The following DENND2C variants were observed in gnomAD, a reference collection of about 807,000 sequenced individuals.
DENND2C encodes DENN domain-containing protein 2C.
A neutral mutation model predicts 112.4 loss-of-function variants in DENND2C; 72 were observed. The observed-to-expected ratio is 0.64, with a 90% confidence interval of 0.53 to 0.78. DENND2C has a LOEUF of 0.78. DENND2C is among the 30% of genes least tolerant of loss of function. DENND2C has a pLI of 0.00. For synonymous variants in DENND2C, 329 were observed against 381.6 expected, an observed-to-expected ratio of 0.86 and a Z score of 1.61; for missense variants, 992 against 1,113.8, an observed-to-expected ratio of 0.89 and a Z score of 1.56.
At chr1:114,638,321 CT>C (rs1255967044) in intron 3 of DENND2C, among the ~76,000 whole-genome samples, 1 of 152,126 alleles carries the variant, frequency 6.6e-6, no homozygotes, top group African/African-American at 2.4e-5. Context: ...AAACCACAAA[CT>C]TTCTGGAAGA....
intron 11 of DENND2C, among the ~76,000 whole-genome samples, chr1:114,603,630 T>G (rs558310612): frequency 5.3e-5 from 8 of 151,962 alleles, no homozygotes; most frequent in African/African-American, 1.9e-4. Flanking sequence ...CACTGCAACC[T>G]TGAACTCCTG....
At position 114,625,928 on chromosome 1, in the gene DENND2C, T is replaced by C. The variant is rs1485396779; in HGVS notation, c.57A>G (p.Lys19=). ...TVQTLSRSHC[K]NIKQKISQWE... ...ATTGAGAAATTTTTTGTTTGATGTT[T>C]TTGCAGTGGCTTCTTGACAGTGTCT... Residue 19 remains lysine, a synonymous_variant, in exon 4 of 21, where the codon AAA becomes AAG. Coordinates refer to ENST00000393274, the MANE Select transcript of DENND2C (RefSeq NM_001256404.2). 6.2e-7 allele frequency: 1 copy of C among 1,613,972 alleles called. No homozygotes were observed. The highest frequency in any genetic ancestry group is 1.7e-5 in the Admixed American group (1 of 60,004).
intron 10 of DENND2C, among the ~76,000 whole-genome samples, chr1:114,605,787 G>A (rs1013199870): frequency 8.5e-5 from 13 of 152,082 alleles, no homozygotes; most frequent in Non-Finnish European, 1.5e-5. Flanking sequence ...AGAGAAACCT[G>A]TCTCAAAAAA....
intron 3 of DENND2C, among the ~76,000 whole-genome samples, chr1:114,639,049 A>T (rs1656743450): frequency 6.6e-6 from 1 of 152,218 alleles, no homozygotes. Flanking sequence ...AAGATTTATG[A>T]GTAGCCAATA....
chr1:114,657,258 T>A (rs1361956938), intron 1 of DENND2C, among the ~76,000 whole-genome samples: 2 of 148,650 alleles, frequency 1.3e-5, no homozygotes, highest in Non-Finnish European at 1.5e-5. Flanking sequence ...TTTTTTCTTT[T>A]GTTTGTTTGT....
At chr1:114,601,401 G>T in intron 13 of DENND2C, 107 bp downstream of exon 13, 2 of 1,105,584 alleles carry the variant, frequency 1.8e-6, no homozygotes, top group South Asian at 1.6e-5. Context: ...GTGGTTCCTA[G>T]TTTACTAATA....
At chr1:114,626,594 C>T (rs1223825397) in intron 3 of DENND2C, among the ~76,000 whole-genome samples, 1 of 150,128 alleles carries the variant, frequency 6.7e-6, no homozygotes, top group Admixed American at 6.7e-5. Flanking sequence ...TCACTGCAAC[C>T]TCTGCCTCCT....
intron 3 of DENND2C, among the ~76,000 whole-genome samples, chr1:114,632,001 TGAA>T (rs1161520822): frequency 6.6e-6 from 1 of 152,060 alleles, no homozygotes; most frequent in East Asian, 1.9e-4. Flanking sequence ...CTATCTGAAA[TGAA>T]AAATTCACTG....
rs747412813 is a variant in DENND2C at position 114,601,520 on chromosome 1, A to G, written c.1803T>C (p.Asn601=). ...YCMVSRLGCF[N]LFSKILDEVE... is the part of the protein sequence containing the mutation. ...ATTCTCCACTCACCTTTGAAAAAAGATTGAAGCAGCCTAGGCGACTAACCA... is the reference window on the plus strand; with the variant it reads ...ATTCTCCACTCACCTTTGAAAAAAGGTTGAAGCAGCCTAGGCGACTAACCA... Residue 601 remains asparagine (N), a synonymous_variant, in exon 13 of 21, where the codon AAT becomes AAC. Transcript: ENST00000393274. The G allele has an allele frequency of 1.7e-5, 27 of 1,612,212 alleles. No individual in the cohort carries two copies. The highest frequency in any genetic ancestry group is 2.1e-5 in the Non-Finnish European group (25 of 1,178,986).
intron 1 of DENND2C, among the ~76,000 whole-genome samples, chr1:114,667,347 G>A (rs1454247774): frequency 6.6e-6 from 1 of 152,096 alleles, no homozygotes; most frequent in Non-Finnish European, 1.5e-5. Context: ...TACATGTTGG[G>A]TTATAAGCTT....
intron 18 of DENND2C, among the ~76,000 whole-genome samples, chr1:114,589,718 TA>T (rs1185220674): frequency 6.6e-6 from 1 of 152,128 alleles, no homozygotes; most frequent in African/African-American, 2.4e-5. Flanking sequence ...TTCTTTCTTT[TA>T]AAAATTATGT....
At chr1:114,628,924 A>G (rs530683715) in intron 3 of DENND2C, among the ~76,000 whole-genome samples, 1 of 152,308 alleles carries the variant, frequency 6.6e-6, no homozygotes, top group East Asian at 1.9e-4. Flanking sequence ...CCAACTTTCA[A>G]ATCCTAGATC....
rs1655618336 is a variant in DENND2C at position 114,604,983 on chromosome 1, C to CT, written c.1605dup (p.Val536SerfsTer9). On this transcript the variant is annotated frameshift_variant, in exon 11 of 21. Coordinates refer to ENST00000393274, the MANE Select transcript of DENND2C (RefSeq NM_001256404.2). LOFTEE classifies it high-confidence loss of function. ...TCAGGAAAACAAAATTTTGGAATAA[C>CT]TTTAAGTCTCTCTTCCATGTCTTTG... is the stretch of plus-strand genomic sequence containing the variant. 3.7e-6 allele frequency: 6 copies of CT among 1,613,752 alleles called. No individual in the cohort carries two copies. Among genetic ancestry groups the CT allele is most frequent in the East Asian group, 2.2e-5 (1 of 44,824 alleles).
chr1:114,620,067 C>T (rs1472892423), intron 7 of DENND2C, among the ~76,000 whole-genome samples: 1 of 152,158 alleles, frequency 6.6e-6, no homozygotes, highest in Non-Finnish European at 1.5e-5. Flanking sequence ...GGCAAATGGA[C>T]TAGATCAGTG....
intron 16 of DENND2C, 128 bp downstream of exon 16, chr1:114,599,146 A>T (rs1557940198): frequency 1.6e-6 from 1 of 633,058 alleles, no homozygotes; most frequent in Non-Finnish European, 2.3e-6. Context: ...ATATTATAAT[A>T]ATTTAATAGA....
intron 1 of DENND2C, among the ~76,000 whole-genome samples, chr1:114,668,411 A>C (rs1657702049): frequency 2.6e-5 from 4 of 152,138 alleles, no homozygotes; most frequent in Admixed American, 2.6e-4. Context: ...CTCACTACAG[A>C]CCATTTAAAA....
In DENND2C at chr1:114,665,843, A is replaced by C. The variant is rs114126920; in HGVS notation, c.-574+4140T>G. Among the ~76,000 whole-genome samples the C allele has an allele frequency of 6.4e-3, 980 of 152,228 alleles. 14 individuals are homozygous for C. Among genetic ancestry groups the C allele is most frequent in the African/African-American group, 0.022 (923 of 41,528 alleles). ...TTTATTCTTGGCCCTCTTCTCTTCT[A>C]ATTCTACATACTCCCTTGAGCAATT... On this transcript the variant is annotated intron_variant, in intron 1 of 20. Coordinates refer to ENST00000393274, the MANE Select transcript of DENND2C (RefSeq NM_001256404.2).
At chr1:114,661,019 G>A (rs1237967233) in intron 1 of DENND2C, among the ~76,000 whole-genome samples, 1 of 150,790 alleles carries the variant, frequency 6.6e-6, no homozygotes, top group Non-Finnish European at 1.5e-5. Flanking sequence ...GTTGAGGCAG[G>A]AGAATCGCTT....
intron 18 of DENND2C, 100 bp from the exon 19 acceptor site, chr1:114,588,052 A>T: frequency 1.0e-6 from 1 of 974,440 alleles, no homozygotes; most frequent in Non-Finnish European, 1.5e-6. Context: ...AAGAAGTTAT[A>T]GATTAAAGGA....
Sources: gnomAD v4.1 joint callset for allele counts (sites outside exome capture counted in the v4.1 genomes callset) on GRCh38, gnomAD v4.1.1 for gene constraint, MANE v1.5 for transcripts, NCBI Gene and HGNC (gene_info 2026-07-23, HGNC 2026-07-21) for gene names.